Variants in MTSS1 observed in about 807,000 individuals in gnomAD.
MTSS1 encodes the protein protein MTSS 1.
A neutral mutation model predicts 79.0 loss-of-function variants in MTSS1; 18 were observed. That is an observed-to-expected ratio of 0.23 (90% confidence interval 0.16 to 0.34). MTSS1 has a LOEUF of 0.34. Among genes scored for constraint, MTSS1 ranks in the 10% least tolerant of loss-of-function variants. The pLI is 1.00. For missense variants in MTSS1, 815 were observed against 986.2 expected (o/e 0.83, Z 2.33); for synonymous variants, 341 against 368.6 (o/e 0.93, Z 0.86).
At chr8:124,617,778 A>G (rs1339338549) in intron 3 of MTSS1, among the ~76,000 whole-genome samples, 1 of 152,198 alleles carries the variant, frequency 6.6e-6, no homozygotes, top group Non-Finnish European at 1.5e-5. Flanking sequence ...ACCATGTTTT[A>G]TACTCCTCGC....
chr8:124,618,745 A>C (rs988823325), intron 3 of MTSS1, among the ~76,000 whole-genome samples: 1 of 152,230 alleles, frequency 6.6e-6, no homozygotes, highest in Non-Finnish European at 1.5e-5. Flanking sequence ...ACAGTACAAC[A>C]AACACCAGAC....
intron 6 of MTSS1, chr8:124,577,609 TA>T: frequency 1.9e-6 from 1 of 518,994 alleles, no homozygotes; most frequent in Non-Finnish European, 3.8e-6. Flanking sequence ...ATGGTCACAA[TA>T]GGTCTAAGGG....
intron 6 of MTSS1, among the ~76,000 whole-genome samples, chr8:124,584,571 G>A (rs1202153346): frequency 1.3e-5 from 2 of 152,180 alleles, no homozygotes; most frequent in Admixed American, 1.3e-4. Context: ...TTGCCTGGTT[G>A]TGCTCAGTGG....
At chr8:124,620,013 G>A (rs559878683) in intron 3 of MTSS1, among the ~76,000 whole-genome samples, 1 of 149,784 alleles carries the variant, frequency 6.7e-6, no homozygotes, top group Non-Finnish European at 1.5e-5. Context: ...GTGCAATGGC[G>A]CGATCTTGGC....
chr8:124,685,359 A>C (rs190850160), intron 3 of MTSS1, among the ~76,000 whole-genome samples: 2 of 152,344 alleles, frequency 1.3e-5, no homozygotes, highest in East Asian at 3.9e-4. Flanking sequence ...GCCTGGATGC[A>C]GTGACCCATG....
At chr8:124,649,574 G>A (rs1234551599) in intron 3 of MTSS1, among the ~76,000 whole-genome samples, 3 of 152,008 alleles carry the variant, frequency 2.0e-5, no homozygotes, top group South Asian at 2.1e-4. Flanking sequence ...AAAAGCTCCC[G>A]GCACAGGCAA....
chr8:124,563,002 A>G lies in MTSS1; in HGVS notation c.825-10T>C, dbSNP rs1586821857. On this transcript the variant is annotated splice_polypyrimidine_tract_variant and intron_variant, in intron 9 of 13. Transcript: ENST00000518547. Reference sequence around the variant, plus strand: ...GACACTGTTCAGGCTGCTGTGGAGGACAAGCAGGGGTGAGGGGTGGGCACG... The same window carrying G: ...GACACTGTTCAGGCTGCTGTGGAGGGCAAGCAGGGGTGAGGGGTGGGCACG... 6.3e-7 allele frequency: 1 copy of G among 1,598,238 alleles called. No homozygotes were observed. Among genetic ancestry groups the G allele is most frequent in the South Asian group, 1.1e-5 (1 of 88,870 alleles).
In MTSS1 at chr8:124,611,240, T is replaced by C. The variant is rs974654054; in HGVS notation, c.209-20005A>G. Among the ~76,000 whole-genome samples, 12 of 151,978 alleles carry C rather than the reference T, an allele frequency of 7.9e-5. No homozygotes were observed. In the East Asian group the frequency reaches 1.2e-3, roughly 15 times the overall value. ...GATTCTTAGGTAACTCACAGGGGAATATATTTGTATAGACCAAGATTGGGA... is the reference window on the plus strand; with the variant it reads ...GATTCTTAGGTAACTCACAGGGGAACATATTTGTATAGACCAAGATTGGGA... On this transcript the variant is annotated intron_variant, in intron 3 of 13. Coordinates refer to ENST00000518547, the MANE Select transcript of MTSS1 (RefSeq NM_014751.6).
At chr8:124,665,710 A>G (rs1822931712) in intron 3 of MTSS1, among the ~76,000 whole-genome samples, 1 of 152,134 alleles carries the variant, frequency 6.6e-6, no homozygotes, top group Non-Finnish European at 1.5e-5. Context: ...TCTACTAAAA[A>G]TACAAAATTA....
At position 124,626,881 on chromosome 8, in the gene MTSS1, G is replaced by A. The variant is rs558380158; in HGVS notation, c.209-35646C>T. Among the ~76,000 whole-genome samples, 46 of 152,074 alleles carry A rather than the reference G, an allele frequency of 3.0e-4. No homozygotes were observed. The South Asian group carries it at 7.3e-3, about 24-fold the overall frequency. Reference sequence around the variant, plus strand: ...GTGACGGTCACAGAGCCTGATATACGCTGCCCCAACACTAGGAAAGGTCTC... The same window carrying A: ...GTGACGGTCACAGAGCCTGATATACACTGCCCCAACACTAGGAAAGGTCTC... On this transcript the variant is annotated intron_variant, in intron 3 of 13. Coordinates refer to ENST00000518547, the MANE Select transcript of MTSS1 (RefSeq NM_014751.6).
intron 3 of MTSS1, among the ~76,000 whole-genome samples, chr8:124,609,920 T>A (rs1835501034): frequency 6.6e-6 from 1 of 152,158 alleles, no homozygotes; most frequent in African/African-American, 2.4e-5. Context: ...TGAGACATTC[T>A]TCATACATAT....
At chr8:124,685,830 C>G (rs887900577) in intron 3 of MTSS1, among the ~76,000 whole-genome samples, 6 of 152,044 alleles carry the variant, frequency 3.9e-5, no homozygotes, top group African/African-American at 1.4e-4. Context: ...CAGGAGAAAA[C>G]AAGGACTGAA....
intron 3 of MTSS1, among the ~76,000 whole-genome samples, chr8:124,677,843 G>A (rs1225050610): frequency 6.6e-6 from 1 of 152,098 alleles, no homozygotes; most frequent in African/African-American, 2.4e-5. Context: ...GTTGGCAGAG[G>A]ACCACAAATT....
intron 3 of MTSS1, among the ~76,000 whole-genome samples, chr8:124,658,510 T>C (rs1185460628): frequency 2.6e-5 from 4 of 152,092 alleles, no homozygotes; most frequent in Non-Finnish European, 5.9e-5. Flanking sequence ...GACTAACACA[T>C]TGGATAATTT....
At chr8:124,570,368 G>A (rs1389168145) in intron 6 of MTSS1, among the ~76,000 whole-genome samples, 1 of 152,128 alleles carries the variant, frequency 6.6e-6, no homozygotes, top group Non-Finnish European at 1.5e-5. Context: ...TACTACACTG[G>A]CCCCTCCTCT....
At chr8:124,715,883 C>T (rs1205360938) in intron 1 of MTSS1, among the ~76,000 whole-genome samples, 2 of 152,182 alleles carry the variant, frequency 1.3e-5, no homozygotes, top group Non-Finnish European at 2.9e-5. Context: ...TGGTGCTGCC[C>T]TGTCTTCATC....
At chr8:124,699,027 C>G (rs759825566) in intron 3 of MTSS1, 2 of 157,364 alleles carry the variant, frequency 1.3e-5, no homozygotes, top group African/African-American at 2.4e-5. Context: ...AAGTCATAGT[C>G]TGTATCTCAA....
At chr8:124,725,236 G>A (rs17395092) in intron 1 of MTSS1, among the ~76,000 whole-genome samples, 13,213 of 152,250 alleles carry the variant, frequency 0.087, 743 homozygotes, top group Non-Finnish European at 0.13. Context: ...ACAGCCAGCC[G>A]AGGACTTAGA....
intron 3 of MTSS1, among the ~76,000 whole-genome samples, chr8:124,694,172 C>T (rs533208670): frequency 2.2e-4 from 33 of 152,236 alleles, no homozygotes; most frequent in Admixed American, 7.9e-4. Context: ...AAAATTCGTA[C>T]GCCTGTAAGC....
Sources: gnomAD v4.1 joint callset for allele counts (sites outside exome capture counted in the v4.1 genomes callset) on GRCh38, gnomAD v4.1.1 for gene constraint, MANE v1.5 for transcripts, NCBI Gene and HGNC (gene_info 2026-07-23, HGNC 2026-07-21) for gene names.